Variants in KLHL7 observed in about 807,000 individuals in gnomAD.
KLHL7 encodes the protein kelch like family member 7, also known as kelch-like protein 7.
Under a neutral mutation model 67.4 loss-of-function variants are expected in KLHL7, and 44 were observed. The ratio of observed to expected loss-of-function variants is 0.65; its 90% CI spans 0.51 to 0.84. The LOEUF is 0.84. Among genes scored for constraint, KLHL7 ranks in the 40% least tolerant of loss-of-function variants. KLHL7 has a pLI of 0.00. For synonymous variants in KLHL7, 252 were observed against 243.3 expected (o/e 1.04, Z -0.33); for missense variants, 362 against 718.1 (o/e 0.50, Z 5.67).
rs397889904 is a variant in KLHL7, at chr7:23,147,094, C to CTTTTTTTTTTTTTTTTTTTT, written c.793+3087_793+3088insTTTTTTTTTTTTTTTTTTTT. Among the ~76,000 whole-genome samples the CTTTTTTTTTTTTTTTTTTTT allele has an allele frequency of 1.7e-5, 2 of 118,580 alleles. 1 individual carries two copies. Among genetic ancestry groups the CTTTTTTTTTTTTTTTTTTTT allele is most frequent in the Non-Finnish European group, 3.7e-5 (2 of 54,558 alleles). The allele number at this position is 118,580 out of a possible 152,430, so 77.8% of individuals were successfully genotyped here. On this transcript the variant is annotated intron_variant, in intron 6 of 10. Coordinates refer to ENST00000339077, the MANE Select transcript of KLHL7 (RefSeq NM_001031710.3). ...TCTATGTATTACTTATTAACCTGGA[C>CTTTTTTTTTTTTTTTTTTTT]TTTTTTTTTTTTTTTTTTAGACAGT... is the stretch of plus-strand genomic sequence containing the variant.
intron 1 of KLHL7, among the ~76,000 whole-genome samples, chr7:23,121,182 G>C (rs955936589): frequency 2.6e-5 from 4 of 152,066 alleles, no homozygotes; most frequent in Non-Finnish European, 5.9e-5. Context: ...CTTTGCTATG[G>C]CTGAATATTA....
At position 23,140,863 on chromosome 7, in the gene KLHL7, T is replaced by C. The variant is rs867444283; in HGVS notation, c.537T>C (p.Thr179=). 6.2e-7 allele frequency: 1 copy of C among 1,614,060 alleles called. No individual in the cohort carries two copies. The highest frequency in any genetic ancestry group is 1.3e-5 in the African/African-American group (1 of 75,048). The change falls in exon 5 of 11, where the codon ACT becomes ACC. Residue 179 remains threonine (T), a synonymous_variant. Coordinates refer to ENST00000339077, the MANE Select transcript of KLHL7 (RefSeq NM_001031710.3). ...IHQHFTEVYK[T]DEFLQLDVKR... The stretch of plus-strand genomic sequence containing the variant: ...AGCACTTTACTGAAGTTTACAAAAC[T>C]GATGAATTTCTTCAACTTGATGTCA...
At chr7:23,120,943 T>C (rs919393539) in intron 1 of KLHL7, among the ~76,000 whole-genome samples, 2 of 152,216 alleles carry the variant, frequency 1.3e-5, no homozygotes, top group African/African-American at 2.4e-5. Context: ...GCTGTAATTT[T>C]ATGTCCTTTA....
intron 7 of KLHL7, 71 bp from the exon 8 acceptor site, chr7:23,165,625 CTG>C (rs773549250): frequency 1.1e-4 from 172 of 1,511,850 alleles, no homozygotes; most frequent in Non-Finnish European, 1.2e-4. Flanking sequence ...TGTTTTTTGA[CTG>C]TATCTTTGCA....
chr7:23,143,739 A>G lies in KLHL7; in HGVS notation c.619-112A>G. ...TGTCCAGGGATGAAAAATACTAGAA[A>G]TAAGTGGTTATCTCCTTATGAGGTT... is the stretch of plus-strand genomic sequence containing the variant. On this transcript the variant is annotated intron_variant, in intron 5 of 10. Transcript: ENST00000339077. 4.6e-6 allele frequency: 5 copies of G among 1,094,026 alleles called. No individual in the cohort carries two copies. The South Asian group carries it at 5.0e-5, about 11-fold the overall frequency. 67.8% of individuals were successfully genotyped at this position (1,094,026 alleles called of 1,614,324 possible).
chr7:23,124,214 A>AAG (rs1783472891), intron 2 of KLHL7, among the ~76,000 whole-genome samples: 1 of 149,978 alleles, frequency 6.7e-6, no homozygotes, highest in Non-Finnish European at 1.5e-5. Flanking sequence ...AAAAAAAAAA[A>AAG]AAAAAAAAGC....
intron 7 of KLHL7, among the ~76,000 whole-genome samples, chr7:23,155,085 C>T (rs1003055881): frequency 3.3e-5 from 5 of 152,166 alleles, no homozygotes; most frequent in South Asian, 2.1e-4. Flanking sequence ...CCTATTGGCC[C>T]GCTCTTGGCT....
intron 8 of KLHL7, among the ~76,000 whole-genome samples, chr7:23,166,772 A>G (rs117886838): frequency 0.024 from 3,724 of 152,250 alleles, 67 homozygotes; most frequent in Admixed American, 0.047. Context: ...AATAAATCCT[A>G]AAGATGATAG....
Position 23,150,757 on chromosome 7 carries a change from G to A in KLHL7, c.794-1310G>A, listed in dbSNP as rs552439900. Among the ~76,000 whole-genome samples, 52 of 152,146 alleles carry A rather than the reference G, an allele frequency of 3.4e-4. 1 individual carries two copies. Among genetic ancestry groups the A allele is most frequent in the Middle Eastern group, 3.4e-3 (1 of 294 alleles). On this transcript the variant is annotated intron_variant, in intron 6 of 10. Coordinates refer to ENST00000339077, the MANE Select transcript of KLHL7 (RefSeq NM_001031710.3). ...AATGGAAGAGAGTGCTGCCTCCCCC[G>A]ATACAACCATATTATACCCTGTGGT...
intron 10 of KLHL7, among the ~76,000 whole-genome samples, chr7:23,173,722 A>G (rs1473084949): frequency 6.6e-6 from 1 of 152,216 alleles, no homozygotes; most frequent in Non-Finnish European, 1.5e-5. Flanking sequence ...AAAGTTAATC[A>G]GAGGGGAAAT....
chr7:23,131,303 T>C (rs1783788983), intron 4 of KLHL7, among the ~76,000 whole-genome samples: 2 of 152,178 alleles, frequency 1.3e-5, no homozygotes, highest in South Asian at 4.1e-4. Context: ...GGCCCTTTTT[T>C]CCCAGGAACT....
chr7:23,139,934 A>C (rs1424774470), intron 4 of KLHL7, among the ~76,000 whole-genome samples: 2 of 151,810 alleles, frequency 1.3e-5, no homozygotes, highest in Admixed American at 6.6e-5. Context: ...CCTTTCAAAA[A>C]AAATGTAAAA....
At chr7:23,108,885 A>C (rs1374025675) in intron 1 of KLHL7, among the ~76,000 whole-genome samples, 1 of 152,260 alleles carries the variant, frequency 6.6e-6, no homozygotes, top group Non-Finnish European at 1.5e-5. Context: ...TGTGGTATAT[A>C]GTATCCCATT....
intron 6 of KLHL7, among the ~76,000 whole-genome samples, chr7:23,145,876 A>G (rs6978475): frequency 0.45 from 68,400 of 151,732 alleles, 17,743 homozygotes; most frequent in African/African-American, 0.73. Context: ...GACTACAGGC[A>G]CACACCACTA....
At chr7:23,144,140 C>A in intron 6 of KLHL7, 115 bp downstream of exon 6, 1 of 918,392 alleles carries the variant, frequency 1.1e-6, no homozygotes, top group Non-Finnish European at 1.7e-6. Flanking sequence ...CAAGATTTTG[C>A]TCTTCTAGAT....
chr7:23,174,673 C>T lies in KLHL7; in HGVS notation c.*375C>T, dbSNP rs757427422. ...TTTCATGCATCACAGAAGTGCTATA[C>T]GGTTAGGTCTGTTTGTGCTCAGTCA... On this transcript the variant is annotated 3_prime_UTR_variant, in exon 11 of 11. Coordinates refer to ENST00000339077, the MANE Select transcript of KLHL7 (RefSeq NM_001031710.3). The T allele has an allele frequency of 2.0e-5, 9 of 459,970 alleles. No homozygotes were observed. Among genetic ancestry groups the T allele is most frequent in the South Asian group, 6.2e-5 (4 of 64,538 alleles). 28.5% of individuals were successfully genotyped at this position (459,970 alleles called of 1,614,324 possible).
intron 2 of KLHL7, among the ~76,000 whole-genome samples, chr7:23,124,381 A>G (rs1047994540): frequency 1.8e-4 from 28 of 151,946 alleles, no homozygotes; most frequent in African/African-American, 6.3e-4. Flanking sequence ...TCCAAGTCCT[A>G]CTTCCTCTAC....
intron 2 of KLHL7, 150 bp from the exon 3 acceptor site, chr7:23,124,538 A>T: frequency 2.9e-6 from 2 of 695,974 alleles, no homozygotes; most frequent in Non-Finnish European, 5.3e-6. Context: ...TGCATTGACT[A>T]TAGAAATGTT....
Position 23,118,012 on chromosome 7 carries a change from C to T in KLHL7, c.121-5765C>T, listed in dbSNP as rs73272055. On this transcript the variant is annotated intron_variant, in intron 1 of 10. Coordinates refer to ENST00000339077, the MANE Select transcript of KLHL7 (RefSeq NM_001031710.3). ...CTTTGGGATATAACAAAGAATAGAA[C>T]GTGGGGCAGTTGACTGCATGCCTCT... The T allele has an allele frequency of 3.0e-3, 4,873 of 1,607,906 alleles. 147 individuals carry two copies. The African/African-American group carries it at 0.056, about 18-fold the overall frequency.
Sources: gnomAD v4.1 joint callset for allele counts (sites outside exome capture counted in the v4.1 genomes callset) on GRCh38, gnomAD v4.1.1 for gene constraint, MANE v1.5 for transcripts, NCBI Gene and HGNC (gene_info 2026-07-23, HGNC 2026-07-21) for gene names.